The following ANKRD24 variants were observed in gnomAD, a reference collection of about 807,000 sequenced individuals.
ANKRD24 encodes ankyrin repeat domain-containing protein 24.
Under a neutral mutation model 127.8 loss-of-function variants are expected in ANKRD24, and 109 were observed. The observed-to-expected ratio is 0.85, with a 90% CI of 0.73 to 1.00. The LOEUF is 1.00. Among genes scored for constraint, ANKRD24 ranks in the 50% least tolerant of loss-of-function variants. The pLI is 0.00. For synonymous variants in ANKRD24, 743 were observed against 671.1 expected, an observed-to-expected ratio of 1.11 and a Z score of -1.66; for missense variants, 1,648 against 1,570.2, an observed-to-expected ratio of 1.05 and a Z score of -0.84.
chr19:4,224,492 C>A lies in ANKRD24; in HGVS notation c.3428C>A (p.Ala1143Asp). The A allele has an allele frequency of 1.9e-6, 3 of 1,609,132 alleles. No homozygotes were observed. In the South Asian group the frequency reaches 3.3e-5, roughly 18 times the overall value. Residue 1143 changes from alanine to aspartate, a missense_variant, in exon 22 of 22, where the codon GCT becomes GAT. Coordinates refer to ENST00000318934, the MANE Select transcript of ANKRD24 (RefSeq NM_001393985.1). Reference protein sequence around the residue: ...SQILQMQRLQAQGR With the variant: ...SQILQMQRLQDQGR ...ATTCTGCAGATGCAGAGACTCCAGG[C>A]TCAGGGCCGCTGAGAAAGGCCAGGC...
intron 9 of ANKRD24, 30 bp from the exon 10 acceptor site, chr19:4,207,751 C>A: frequency 6.4e-7 from 1 of 1,566,118 alleles, no homozygotes; most frequent in South Asian, 1.2e-5. Context: ...GGGATGTTCT[C>A]ATCTCCTCAG....
In ANKRD24 at chr19:4,217,245, A is replaced by G; in HGVS notation, c.2085A>G (p.Pro695=). ...TCAGTGCCACAGGTGTGGAGAACCC[A>G]GGGGTAGAGGCCACGGTCCCGGGGA... ...TGVSATGVEN[P]GVEATVPGIS... Residue 695 remains proline, a synonymous_variant, in exon 18 of 22, where the codon CCA becomes CCG. Coordinates refer to ENST00000318934, the MANE Select transcript of ANKRD24 (RefSeq NM_001393985.1). 1 of 1,591,304 alleles carries G rather than the reference A, an allele frequency of 6.3e-7. No individual in the cohort carries two copies. Among genetic ancestry groups the G allele is most frequent in the Non-Finnish European group, 8.6e-7 (1 of 1,168,780 alleles).
chr19:4,209,430 G>A (rs59867444), intron 11 of ANKRD24, among the ~76,000 whole-genome samples: 1 of 143,688 alleles, frequency 7.0e-6, no homozygotes, highest in African/African-American at 2.6e-5. Flanking sequence ...TTTTTTTTTT[G>A]TTGTTGTTGT....
chr19:4,200,270 G>T, intron 5 of ANKRD24, 99 bp downstream of exon 5: 2 of 1,278,506 alleles, frequency 1.6e-6, no homozygotes, highest in South Asian at 2.9e-5. Context: ...AATGTTCCCC[G>T]CTGAAAAAAG....
At chr19:4,205,250 C>CCAA (rs1341303874) in intron 7 of ANKRD24, among the ~76,000 whole-genome samples, 3 of 152,080 alleles carry the variant, frequency 2.0e-5, no homozygotes, top group South Asian at 2.1e-4. Flanking sequence ...AACCAACCAA[C>CCAA]CAACAACAAC....
intron 2 of ANKRD24, among the ~76,000 whole-genome samples, chr19:4,193,698 A>G (rs1318276203): frequency 1.3e-5 from 2 of 151,356 alleles, no homozygotes; most frequent in Admixed American, 6.6e-5. Flanking sequence ...TTAGCCAGGC[A>G]TGGTGGCGGG....
intron 18 of ANKRD24, 84 bp from the exon 19 acceptor site, chr19:4,219,507 A>C (rs1415893791): frequency 1.2e-5 from 17 of 1,466,182 alleles, no homozygotes; most frequent in Non-Finnish European, 1.5e-5. Context: ...CAAAAGAACA[A>C]AGTAGAAGGA....
intron 7 of ANKRD24, among the ~76,000 whole-genome samples, chr19:4,206,150 A>G (rs959685628): frequency 1.6e-5 from 1 of 61,600 alleles, no homozygotes; most frequent in Admixed American, 1.6e-4. Flanking sequence ...CTCAAAAATA[A>G]ATAAATAAAT....
chr19:4,186,305 TC>T, intron 1 of ANKRD24, 84 bp from the exon 2 acceptor site: 1 of 1,523,926 alleles, frequency 6.6e-7, no homozygotes, highest in Non-Finnish European at 8.8e-7. Flanking sequence ...GAGGAAGCGG[TC>T]CTTTTGAGGA....
rs1382274001 is a variant in ANKRD24, at chr19:4,210,143, G to A, written c.951+5G>A. 1 of 1,604,920 alleles carries A rather than the reference G, an allele frequency of 6.2e-7. No individual in the cohort carries two copies. The highest frequency in any genetic ancestry group is 8.5e-7 in the Non-Finnish European group (1 of 1,176,168). ...CCCGCCAGCATTCCCATGCCGGTGAGAGATGCTCTGGGCACGGGAGGAGGC... is the reference window on the plus strand; with the variant it reads ...CCCGCCAGCATTCCCATGCCGGTGAAAGATGCTCTGGGCACGGGAGGAGGC... On this transcript the variant is annotated splice_donor_5th_base_variant and intron_variant, in intron 12 of 21. Transcript: ENST00000318934.
intron 2 of ANKRD24, among the ~76,000 whole-genome samples, chr19:4,188,364 A>G (rs1968184995): frequency 7.3e-6 from 1 of 136,826 alleles, no homozygotes; most frequent in East Asian, 2.2e-4. Context: ...GGCATGAGCC[A>G]CCACGCTTGG....
Position 4,224,709 on chromosome 19 carries a change from T to C in ANKRD24, c.*204T>C. The C allele has an allele frequency of 1.7e-6, 1 of 594,754 alleles. No individual in the cohort carries two copies. 36.8% of individuals were successfully genotyped at this position (594,754 alleles called of 1,614,324 possible). Reference sequence around the variant, plus strand: ...CTCTGCACGCACACACTGGTCAGTCTGGACCCGGGCCGTGACTGCCCCTCC... The same window carrying C: ...CTCTGCACGCACACACTGGTCAGTCCGGACCCGGGCCGTGACTGCCCCTCC... On this transcript the variant is annotated 3_prime_UTR_variant, in exon 22 of 22. Transcript: ENST00000318934.
Position 4,216,630 on chromosome 19 carries a change from C to T in ANKRD24, c.1470C>T (p.Asp490=), listed in dbSNP as rs1339985106. 1 of 1,609,522 alleles carries T rather than the reference C, an allele frequency of 6.2e-7. No homozygotes were observed. Among genetic ancestry groups the T allele is most frequent in the African/African-American group, 1.3e-5 (1 of 74,864 alleles). The change falls in exon 18 of 22, where the codon GAC becomes GAT. Residue 490 remains aspartate (D), a synonymous_variant. Coordinates refer to ENST00000318934, the MANE Select transcript of ANKRD24 (RefSeq NM_001393985.1). ...LAEVIPLALY[D]SLRAEFDQLR... ...AGGTCATCCCTCTTGCCCTCTATGA[C>T]TCTCTCCGGGCCGAGTTTGACCAGC... is the stretch of plus-strand genomic sequence containing the variant.
intron 18 of ANKRD24, among the ~76,000 whole-genome samples, chr19:4,219,388 G>T (rs1199655212): frequency 6.6e-6 from 1 of 152,104 alleles, no homozygotes; most frequent in Non-Finnish European, 1.5e-5. Flanking sequence ...GATCACTTAA[G>T]CCTGAAAGAT....
At chr19:4,215,687 A>G (rs1190428734) in intron 15 of ANKRD24, among the ~76,000 whole-genome samples, 4 of 149,506 alleles carry the variant, frequency 2.7e-5, no homozygotes, top group Non-Finnish European at 5.9e-5. Flanking sequence ...AGGTGGGAGG[A>G]TTGTTTGAGC....
At chr19:4,191,424 C>T (rs759565411) in intron 2 of ANKRD24, among the ~76,000 whole-genome samples, 12 of 151,996 alleles carry the variant, frequency 7.9e-5, no homozygotes, top group East Asian at 1.9e-4. Context: ...TCCCTAACAC[C>T]GGCTTTTTCT....
chr19:4,207,074 G>T lies in ANKRD24; in HGVS notation c.467-168G>T, dbSNP rs780374528. The T allele has an allele frequency of 9.2e-5, 56 of 608,440 alleles. No homozygotes were observed. The African/African-American group carries it at 1.0e-3, about 11-fold the overall frequency. The allele number at this position is 608,440 out of a possible 1,614,324, so 37.7% of individuals were successfully genotyped here. On this transcript the variant is annotated intron_variant, in intron 7 of 21. Coordinates refer to ENST00000318934, the MANE Select transcript of ANKRD24 (RefSeq NM_001393985.1). ...CCACAGACACACACCACCACACCCA[G>T]ATAATGTTTGCTTTTTTTTTTTTTT...
intron 1 of ANKRD24, among the ~76,000 whole-genome samples, chr19:4,185,987 A>C (rs1968039383): frequency 6.6e-6 from 1 of 152,156 alleles, no homozygotes; most frequent in South Asian, 2.1e-4. Context: ...TCAGAGAAGA[A>C]AAAAGAAACC....
At chr19:4,192,545 A>G (rs1248727756) in intron 2 of ANKRD24, among the ~76,000 whole-genome samples, 2 of 151,668 alleles carry the variant, frequency 1.3e-5, no homozygotes, top group East Asian at 3.9e-4. Flanking sequence ...CGAGCCCTGC[A>G]AAACCTATAG....
Sources: gnomAD v4.1 joint callset for allele counts (sites outside exome capture counted in the v4.1 genomes callset) on GRCh38, gnomAD v4.1.1 for gene constraint, MANE v1.5 for transcripts, NCBI Gene and HGNC (gene_info 2026-07-23, HGNC 2026-07-21) for gene names.